Variants in HADH observed in about 807,000 individuals in gnomAD.
The protein encoded by HADH is hydroxyacyl-coenzyme A dehydrogenase, mitochondrial.
In HADH, 24 loss-of-function variants were observed where a neutral mutation model predicts 32.2. That is an observed-to-expected ratio of 0.75 (90% CI 0.54 to 1.05). The LOEUF (loss-of-function observed/expected upper bound fraction) is 1.05. HADH is among the 50% of genes least tolerant of loss of function. The pLI is 0.00. For synonymous variants in HADH, 139 were observed against 152.5 expected, an observed-to-expected ratio of 0.91 and a Z score of 0.65; for missense variants, 350 against 397.1, an observed-to-expected ratio of 0.88 and a Z score of 1.01.
rs192495391 is a variant in HADH at position 108,013,585 on chromosome 4, T to A, written c.262-846T>A. On this transcript the variant is annotated intron_variant, in intron 2 of 7. Transcript: ENST00000309522. Reference sequence around the variant, plus strand: ...TCTCTGCCTAGTTGACATACTATGCTTATCTAGCTCTATACTGACCACCAA... The same window carrying A: ...TCTCTGCCTAGTTGACATACTATGCATATCTAGCTCTATACTGACCACCAA... Among the ~76,000 whole-genome samples the A allele has an allele frequency of 4.2e-4, 64 of 152,240 alleles. No individual in the cohort carries two copies. In the East Asian group the frequency reaches 7.5e-3, roughly 18 times the overall value.
At chr4:108,003,562 C>A (rs1362618809) in intron 1 of HADH, among the ~76,000 whole-genome samples, 1 of 152,074 alleles carries the variant, frequency 6.6e-6, no homozygotes, top group Non-Finnish European at 1.5e-5. Context: ...AAAGCAAAGG[C>A]CAGCCTCAGG....
Position 108,019,588 on chromosome 4 carries a change from A to C in HADH, c.468A>C (p.Ile156=). The C allele has an allele frequency of 6.2e-7, 1 of 1,613,928 alleles. No individual in the cohort carries two copies. Among genetic ancestry groups the C allele is most frequent in the Non-Finnish European group, 8.5e-7 (1 of 1,179,776 alleles). ...CTTCCTCCTTGCAGATTACAAGCAT[A>C]GCTAATGCCACCACCAGACAAGACC... ...SNTSSLQITS[I]ANATTRQDRF... is the part of the protein sequence containing the mutation. The change falls in exon 4 of 8, where the codon ATA becomes ATC. Residue 156 remains isoleucine, a synonymous_variant. Coordinates refer to ENST00000309522, the MANE Select transcript of HADH (RefSeq NM_005327.7).
At chr4:108,025,468 AAATT>A (rs1430838769) in intron 5 of HADH, 3 of 152,232 alleles carry the variant, frequency 2.0e-5, no homozygotes, top group Non-Finnish European at 4.4e-5. Flanking sequence ...AGGAATGAAT[AAATT>A]AATATTTTTA....
intron 1 of HADH, among the ~76,000 whole-genome samples, chr4:108,007,054 T>C (rs1037842360): frequency 2.6e-5 from 4 of 152,144 alleles, no homozygotes; most frequent in African/African-American, 9.7e-5. Context: ...GCACCTCTTA[T>C]TTTTGCTGCA....
chr4:108,033,010 G>A (rs1202006292), intron 6 of HADH, 166 bp from the exon 7 acceptor site: 1 of 689,878 alleles, frequency 1.4e-6, no homozygotes, highest in Admixed American at 2.2e-5. Context: ...TGACCTCTTT[G>A]GCATGTACTT....
intron 6 of HADH, 70 bp from the exon 7 acceptor site, chr4:108,033,106 G>A: frequency 1.2e-6 from 1 of 814,996 alleles, no homozygotes; most frequent in East Asian, 2.4e-5. Flanking sequence ...AGTAATTCTG[G>A]GGCTAATCCT....
At chr4:108,024,305 G>GT (rs1250236357) in intron 5 of HADH, 2 of 152,130 alleles carry the variant, frequency 1.3e-5, no homozygotes, top group African/African-American at 4.8e-5. Flanking sequence ...TTCTTAAGGG[G>GT]TAGTTGTGTC....
intron 1 of HADH, among the ~76,000 whole-genome samples, chr4:107,995,907 G>A (rs1734941104): frequency 6.6e-6 from 1 of 152,148 alleles, no homozygotes; most frequent in Non-Finnish European, 1.5e-5. Flanking sequence ...TAGTCTACCT[G>A]CTGGTCGTCT....
intron 1 of HADH, among the ~76,000 whole-genome samples, chr4:107,991,060 T>C (rs916832936): frequency 4.6e-5 from 7 of 152,166 alleles, no homozygotes; most frequent in Non-Finnish European, 8.8e-5. Context: ...CTTTTATCCA[T>C]TGTACATCTT....
chr4:108,022,149 T>C (rs1735903450), intron 4 of HADH, among the ~76,000 whole-genome samples: 1 of 146,704 alleles, frequency 6.8e-6, no homozygotes, highest in African/African-American at 2.6e-5. Context: ...TACTGGCCTT[T>C]ACATTTTACA....
chr4:107,999,137 C>T (rs1194589714), intron 1 of HADH, among the ~76,000 whole-genome samples: 2 of 152,200 alleles, frequency 1.3e-5, no homozygotes, highest in Non-Finnish European at 2.9e-5. Flanking sequence ...CTGTGGCCAT[C>T]TCTGACCTGA....
chr4:108,016,755 A>G (rs1011688871), intron 3 of HADH, among the ~76,000 whole-genome samples: 7 of 152,212 alleles, frequency 4.6e-5, no homozygotes, highest in Non-Finnish European at 1.0e-4. Context: ...CAGTTTCGTC[A>G]TCTGTAATGC....
chr4:107,992,891 G>A (rs1734855036), intron 1 of HADH, among the ~76,000 whole-genome samples: 1 of 152,124 alleles, frequency 6.6e-6, no homozygotes, highest in South Asian at 2.1e-4. Context: ...GAGGGGGGCA[G>A]ATCATCTGAG....
In HADH at chr4:108,033,199, G is replaced by C; in HGVS notation, c.733G>C (p.Asp245His). ...ERGDASKEDI[D>H]TAMKLGAGYP... ...AGGTGACGCATCCAAAGAAGACATT[G>C]ACACTGCTATGAAATTAGGAGCCGG... The change falls in exon 7 of 8, where the codon GAC becomes CAC. Residue 245 changes from aspartate to histidine, a missense_variant. Coordinates refer to ENST00000309522, the MANE Select transcript of HADH (RefSeq NM_005327.7). The C allele has an allele frequency of 2.5e-6, 4 of 1,603,672 alleles. No homozygotes were observed. The highest frequency in any genetic ancestry group is 3.4e-6 in the Non-Finnish European group (4 of 1,170,504).
chr4:108,008,389 G>A (rs930600433), intron 1 of HADH, among the ~76,000 whole-genome samples: 1 of 152,200 alleles, frequency 6.6e-6, no homozygotes, highest in Non-Finnish European at 1.5e-5. Flanking sequence ...AGCCCACTGT[G>A]TGCTGCTTTC....
intron 4 of HADH, 71 bp downstream of exon 4, chr4:108,019,737 AC>A: frequency 1.3e-6 from 2 of 1,578,618 alleles, no homozygotes; most frequent in South Asian, 2.2e-5. Context: ...TCTGTGTTAC[AC>A]CAGCCCTGCC....
chr4:108,031,487 C>A (rs961192611), intron 6 of HADH: 1 of 152,272 alleles, frequency 6.6e-6, no homozygotes, highest in Non-Finnish European at 1.5e-5. Context: ...GTAGAACCCA[C>A]TTTTAAGCTT....
In HADH at chr4:107,990,008, A is replaced by G. The variant is rs748128617; in HGVS notation, c.76A>G (p.Ile26Val). ...STASASAKKI[I>V]VKHVTVIGGG... ...CGCCTCGGCCTCGGCCAAGAAGATA[A>G]TCGTCAAGCACGTGACGGTCATCGG... is the stretch of plus-strand genomic sequence containing the variant. The change falls in exon 1 of 8, where the codon ATC becomes GTC. Residue 26 changes from isoleucine to valine, a missense_variant. Ile to Val is a conservative substitution (Grantham distance 29). Coordinates refer to ENST00000309522, the MANE Select transcript of HADH (RefSeq NM_005327.7). 4 of 1,612,500 alleles carry G rather than the reference A, an allele frequency of 2.5e-6. No individual in the cohort carries two copies. In the East Asian group the frequency reaches 6.7e-5, roughly 27 times the overall value.
intron 6 of HADH, chr4:108,030,445 C>G (rs1424959911): frequency 6.6e-6 from 1 of 152,370 alleles, no homozygotes; most frequent in African/African-American, 2.4e-5. Context: ...CTGTGTAGGG[C>G]GGGCACATAG....
Sources: allele counts gnomAD v4.1 joint callset (sites outside exome capture counted in the v4.1 genomes callset), GRCh38; gene constraint gnomAD v4.1.1; transcripts MANE v1.5; gene names NCBI Gene and HGNC (gene_info 2026-07-23, HGNC 2026-07-21).